MIDEAS: variants seen among roughly 807,000 people sequenced by gnomAD.
MIDEAS encodes mitotic deacetylase associated SANT domain protein.
In MIDEAS, 26 loss-of-function variants were observed where a neutral mutation model predicts 102.7. The observed-to-expected ratio is 0.25, with a 90% CI of 0.19 to 0.35. The LOEUF (loss-of-function observed/expected upper bound fraction) is 0.35. MIDEAS is among the 10% of genes least tolerant of loss of function. The pLI, the probability that MIDEAS is intolerant of heterozygous loss-of-function variation, is 1.00. For missense variants in MIDEAS, 1,231 were observed against 1,435.6 expected (o/e 0.86, Z 2.30); for synonymous variants, 585 against 591.0 (o/e 0.99, Z 0.15).
At chr14:73,726,534 T>A (rs2053062800) in intron 7 of MIDEAS, 70 bp downstream of exon 7, 1 of 1,452,312 alleles carries the variant, frequency 6.9e-7, no homozygotes, top group Non-Finnish European at 9.6e-7. Context: ...CCATAGGTCC[T>A]GAGCAGCAGA....
rs371711282 is a variant in MIDEAS at position 73,739,922 on chromosome 14, G to C, written c.87C>G (p.Pro29=). 3 of 1,531,552 alleles carry C rather than the reference G, an allele frequency of 2.0e-6. No individual in the cohort carries two copies. The highest frequency in any genetic ancestry group is 2.6e-6 in the Non-Finnish European group (3 of 1,139,716). 94.9% of individuals were successfully genotyped at this position (1,531,552 alleles called of 1,614,324 possible). A position where few individuals can be genotyped will look rare whatever the true frequency, so the allele number is the denominator to read the frequency against. The change falls in exon 2 of 13, where the codon CCC becomes CCG. Residue 29 remains proline (P), a synonymous_variant. Transcript: ENST00000423556. ...ACTGCTGGGGGGGCTGCAGGGGAGG[G>C]GGCTGCTCCTTGGGAGCTGGTTCCT... ...GGQEPAPKEQ[P]PPLQPPQQSI...
chr14:73,719,125 C>G (rs1431894156), intron 12 of MIDEAS, 117 bp from the exon 13 acceptor site: 5 of 1,461,426 alleles, frequency 3.4e-6, no homozygotes, highest in Non-Finnish European at 4.5e-6. Context: ...CCGCGGCCGG[C>G]CAGCTCGCGT....
intron 1 of MIDEAS, among the ~76,000 whole-genome samples, chr14:73,769,275 T>C (rs2053620530): frequency 6.6e-6 from 1 of 152,128 alleles, no homozygotes; most frequent in Non-Finnish European, 1.5e-5. Context: ...GGACTTGCCG[T>C]TTCCCAACAG....
chr14:73,738,627 G>A lies in MIDEAS; in HGVS notation c.1382C>T (p.Ser461Phe), dbSNP rs1418325480. 1 of 1,612,412 alleles carries A rather than the reference G, an allele frequency of 6.2e-7. No individual in the cohort carries two copies. Among genetic ancestry groups the A allele is most frequent in the African/African-American group, 1.3e-5 (1 of 74,896 alleles). The stretch of plus-strand genomic sequence containing the variant: ...CAGGGTCAGCAAATTGGCCTCCTGG[G>A]ATGCCCGGCGCCTCCGTCGCGTGCT... ...IQSTRRRRRA[S>F]QEANLLTLAQ... Residue 461 changes from serine (S) to phenylalanine (F), a missense_variant, in exon 2 of 13, where the codon TCC becomes TTC. Transcript: ENST00000423556.
intron 1 of MIDEAS, among the ~76,000 whole-genome samples, chr14:73,744,613 G>A (rs2053327193): frequency 6.6e-6 from 1 of 152,170 alleles, no homozygotes; most frequent in Non-Finnish European, 1.5e-5. Flanking sequence ...CTCCAGGCGA[G>A]TCAGTTCTCT....
At chr14:73,767,156 C>T in intron 1 of MIDEAS, among the ~76,000 whole-genome samples, 1 of 152,142 alleles carries the variant, frequency 6.6e-6, no homozygotes, top group African/African-American at 2.4e-5. Flanking sequence ...CTCCTGGCCT[C>T]TTTCTTAGCT....
At chr14:73,767,969 G>A (rs1395025761) in intron 1 of MIDEAS, among the ~76,000 whole-genome samples, 2 of 152,014 alleles carry the variant, frequency 1.3e-5, no homozygotes, top group African/African-American at 4.8e-5. Flanking sequence ...GACCAGCCTG[G>A]GCCACATGGT....
rs890089261 is a variant in MIDEAS at position 73,715,539 on chromosome 14, G to C, written c.*3304C>G. 6.6e-6 allele frequency: 1 copy of C among 152,438 alleles called. No homozygotes were observed. Among genetic ancestry groups the C allele is most frequent in the Admixed American group, 6.5e-5 (1 of 15,286 alleles). The allele number at this position is 152,438 out of a possible 1,614,324, so 9.4% of individuals were successfully genotyped here. On this transcript the variant is annotated 3_prime_UTR_variant, in exon 13 of 13. Coordinates refer to ENST00000423556, the MANE Select transcript of MIDEAS (RefSeq NM_001367710.1). ...CAACTTAGAGACAAATGAGGAAAAA[G>C]TGAAACAGCTGCAAATTGTTAGAAG...
At position 73,776,164 on chromosome 14, in the gene MIDEAS, C is replaced by T. The variant is rs28660306; in HGVS notation, c.-248+10938G>A. 8.2e-3 allele frequency among the ~76,000 whole-genome samples: 1,250 copies of T among 152,070 alleles called. 16 individuals carry two copies. Among genetic ancestry groups the T allele is most frequent in the African/African-American group, 0.029 (1,188 of 41,528 alleles). On this transcript the variant is annotated intron_variant, in intron 1 of 11. Transcript: ENST00000394071. ...AACTGCCTGTTGGAGAGAGCCAACCCTCGGCCTCTGTCCTCGAAAGGCAGC... is the reference window on the plus strand; with the variant it reads ...AACTGCCTGTTGGAGAGAGCCAACCTTCGGCCTCTGTCCTCGAAAGGCAGC...
chr14:73,786,119 T>C (rs1336771177), intron 1 of MIDEAS, among the ~76,000 whole-genome samples: 1 of 152,174 alleles, frequency 6.6e-6, no homozygotes, highest in Non-Finnish European at 1.5e-5. Context: ...ATCTCGAGTC[T>C]CCACGGCTCG....
chr14:73,779,934 A>G (rs528425740), intron 1 of MIDEAS, among the ~76,000 whole-genome samples: 279 of 130,798 alleles, frequency 2.1e-3, no homozygotes, highest in African/African-American at 7.5e-3. Flanking sequence ...GTGCAGTGGC[A>G]CCATCTCAGC....
intron 6 of MIDEAS, 30 bp downstream of exon 6, chr14:73,726,800 C>T (rs764268508): frequency 3.1e-6 from 5 of 1,606,066 alleles, no homozygotes; most frequent in Non-Finnish European, 4.3e-6. Context: ...TGTGCCTGCC[C>T]TCACTTGCTG....
intron 11 of MIDEAS, among the ~76,000 whole-genome samples, chr14:73,720,542 C>T (rs1051082069): frequency 3.3e-5 from 5 of 152,076 alleles, no homozygotes; most frequent in Non-Finnish European, 2.9e-5. Context: ...CCACTGCGCC[C>T]GGCCTACTAC....
chr14:73,772,587 G>GT (rs200261598), intron 1 of MIDEAS, among the ~76,000 whole-genome samples: 15 of 149,912 alleles, frequency 1.0e-4, no homozygotes, highest in East Asian at 9.7e-4. Context: ...TTTTGGTTTT[G>GT]TTTTTTTTTC....
intron 1 of MIDEAS, among the ~76,000 whole-genome samples, chr14:73,784,160 C>T (rs181363965): frequency 5.9e-5 from 9 of 152,350 alleles, no homozygotes; most frequent in East Asian, 5.8e-4. Flanking sequence ...TTTGAATCAG[C>T]GCTTTTTCAC....
intron 1 of MIDEAS, among the ~76,000 whole-genome samples, chr14:73,770,128 T>G (rs2053629528): frequency 6.6e-6 from 1 of 151,856 alleles, no homozygotes; most frequent in East Asian, 1.9e-4. Flanking sequence ...AGTAACAGAA[T>G]GAAATATGAA....
intron 3 of MIDEAS, among the ~76,000 whole-genome samples, chr14:73,731,757 G>C (rs2053142830): frequency 6.6e-6 from 1 of 152,208 alleles, no homozygotes; most frequent in African/African-American, 2.4e-5. Flanking sequence ...CAGTGGCATG[G>C]AGAAGCAGAG....
intron 1 of MIDEAS, among the ~76,000 whole-genome samples, chr14:73,778,642 G>C (rs2053714719): frequency 6.6e-6 from 1 of 151,918 alleles, no homozygotes; most frequent in Non-Finnish European, 1.5e-5. Context: ...TTCCTTGCAA[G>C]CTTCTTATAG....
Position 73,715,872 on chromosome 14 carries a change from T to G in MIDEAS, c.*2971A>C, listed in dbSNP as rs1378648679. 1 of 152,498 alleles carries G rather than the reference T, an allele frequency of 6.6e-6. No homozygotes were observed. The highest frequency in any genetic ancestry group is 1.5e-5 in the Non-Finnish European group (1 of 68,176). 9.4% of individuals were successfully genotyped at this position (152,498 alleles called of 1,614,324 possible). On this transcript the variant is annotated 3_prime_UTR_variant, in exon 13 of 13. Transcript: ENST00000423556. Reference sequence around the variant, plus strand: ...GGTGGAGGCGCGGCAGAAGGGGTGGTATGTACCTTAGCTGTGAGGGGGGCT... The same window carrying G: ...GGTGGAGGCGCGGCAGAAGGGGTGGGATGTACCTTAGCTGTGAGGGGGGCT...
Sources: gnomAD v4.1 joint callset for allele counts (sites outside exome capture counted in the v4.1 genomes callset) on GRCh38, gnomAD v4.1.1 for gene constraint, MANE v1.5 for transcripts, NCBI Gene and HGNC (gene_info 2026-07-23, HGNC 2026-07-21) for gene names.